The following USP25 variants were observed in gnomAD, a reference collection of about 807,000 sequenced individuals.
USP25 encodes the protein ubiquitin specific peptidase 25.
A neutral mutation model predicts 158.5 loss-of-function variants in USP25; 85 were observed. The observed-to-expected ratio is 0.54, with a 90% CI of 0.45 to 0.64. The LOEUF is 0.64. Ranked by LOEUF, USP25 falls within the 30% of genes least tolerant of loss-of-function variation. The pLI is 0.00. For missense variants in USP25, 1,242 were observed against 1,327.3 expected (o/e 0.94, Z 1.00); for synonymous variants, 464 against 460.4 (o/e 1.01, Z -0.10).
At position 15,747,496 on chromosome 21, in the gene USP25, A is replaced by G. The variant is rs575441954; in HGVS notation, c.46-15395A>G. 1.6e-3 allele frequency among the ~76,000 whole-genome samples: 236 copies of G among 152,036 alleles called. 1 individual carries two copies. Among genetic ancestry groups the G allele is most frequent in the Non-Finnish European group, 2.6e-3 (178 of 67,968 alleles). ...ATATAGTACATATAGTTTTTTTCCT[A>G]TATATAGTATCTACCTGTGATAAAG... On this transcript the variant is annotated intron_variant, in intron 1 of 25. Coordinates refer to ENST00000400183, the MANE Select transcript of USP25 (RefSeq NM_001283041.3).
At position 15,870,912 on chromosome 21, in the gene USP25, A is replaced by T. The variant is rs181262494; in HGVS notation, c.2885+765A>T. 4.8e-3 allele frequency among the ~76,000 whole-genome samples: 728 copies of T among 152,340 alleles called. 5 individuals are homozygous for T. Among genetic ancestry groups the T allele is most frequent in the Non-Finnish European group, 8.1e-3 (548 of 68,028 alleles). On this transcript the variant is annotated intron_variant, in intron 23 of 25. Coordinates refer to ENST00000400183, the MANE Select transcript of USP25 (RefSeq NM_001283041.3). ...TTTAATTCTGGAGCTATGCTGTCCA[A>T]CATAGCGGCCACCTGACAAAACTTA...
At chr21:15,856,627 A>G (rs552006208) in intron 20 of USP25, among the ~76,000 whole-genome samples, 39 of 152,074 alleles carry the variant, frequency 2.6e-4, no homozygotes, top group African/African-American at 7.2e-4. Context: ...GCCCGCTACC[A>G]CGCCCGGCTA....
chr21:15,800,334 G>A (rs908423582), intron 6 of USP25, among the ~76,000 whole-genome samples: 6 of 151,228 alleles, frequency 4.0e-5, no homozygotes, highest in African/African-American at 1.5e-4. Flanking sequence ...CAGATTGCGT[G>A]GGTTCTAGCT....
intron 4 of USP25, among the ~76,000 whole-genome samples, chr21:15,780,294 A>G (rs182480897): frequency 3.0e-4 from 45 of 152,314 alleles, no homozygotes; most frequent in Admixed American, 2.7e-3. Flanking sequence ...GTGTTTAGGC[A>G]TTTATACGTT....
At chr21:15,847,838 T>C (rs989476187) in intron 19 of USP25, 62 bp downstream of exon 19, 1 of 1,101,296 alleles carries the variant, frequency 9.1e-7, no homozygotes, top group East Asian at 2.6e-5. Flanking sequence ...ACAAATACTT[T>C]GGGCATGCCT....
At chr21:15,835,518 T>C (rs1293261035) in intron 17 of USP25, among the ~76,000 whole-genome samples, 2 of 152,218 alleles carry the variant, frequency 1.3e-5, no homozygotes, top group Non-Finnish European at 2.9e-5. Flanking sequence ...CCATACACTT[T>C]ACATGGTGTT....
In USP25 at chr21:15,849,833, T is replaced by C. The variant is rs1349730956; in HGVS notation, c.2508T>C (p.Ser836=). The change falls in exon 20 of 26, where the codon AGT becomes AGC. Residue 836 remains serine, a synonymous_variant. Transcript: ENST00000400183. The part of the protein sequence containing the change: ...GIIMAIGKSR[S]VYDRCGPEAG... Reference sequence around the variant, plus strand: ...TCATGGCGATAGGTAAATCCAGGAGTGTATATGACAGGTGTGGCCCTGAAG... The same window carrying C: ...TCATGGCGATAGGTAAATCCAGGAGCGTATATGACAGGTGTGGCCCTGAAG... 1.9e-6 allele frequency: 3 copies of C among 1,540,404 alleles called. No individual in the cohort carries two copies. Among genetic ancestry groups the C allele is most frequent in the Admixed American group, 2.0e-5 (1 of 49,710 alleles).
At position 15,824,082 on chromosome 21, in the gene USP25, C is replaced by A; in HGVS notation, c.1124C>A (p.Ser375Ter). Residue 375 changes from serine to a stop codon, truncating the protein, a stop_gained, in exon 11 of 26, where the codon TCA becomes TAA. Coordinates refer to ENST00000400183, the MANE Select transcript of USP25 (RefSeq NM_001283041.3). LOFTEE classifies it high-confidence loss of function. The stretch of plus-strand genomic sequence containing the variant: ...CCACCTGTGTTAACATTTGAATTGT[C>A]AAGATTTGAATTTAATCAGGCATTG... Reference protein sequence around the residue: ...ELPPVLTFELSRFEFNQALGR... With the variant: ...ELPPVLTFEL 1 of 1,613,480 alleles carries A rather than the reference C, an allele frequency of 6.2e-7. No homozygotes were observed. Among genetic ancestry groups the A allele is most frequent in the Non-Finnish European group, 8.5e-7 (1 of 1,179,754 alleles).
At chr21:15,785,875 A>G (rs2123565184) in intron 4 of USP25, among the ~76,000 whole-genome samples, 1 of 152,150 alleles carries the variant, frequency 6.6e-6, no homozygotes, top group East Asian at 1.9e-4. Flanking sequence ...TTTTTTGAGA[A>G]GATAAACAGA....
chr21:15,813,689 T>C (rs2036789229), intron 9 of USP25, among the ~76,000 whole-genome samples: 1 of 152,158 alleles, frequency 6.6e-6, no homozygotes, highest in Non-Finnish European at 1.5e-5. Flanking sequence ...AAAAACGTTA[T>C]CCCCTCCCAT....
intron 4 of USP25, among the ~76,000 whole-genome samples, chr21:15,790,516 AATG>A (rs2035533224): frequency 6.6e-6 from 1 of 151,982 alleles, no homozygotes; most frequent in Admixed American, 6.6e-5. Context: ...AATGGTGTGA[AATG>A]AATGAGATTT....
At chr21:15,870,767 A>G (rs966032765) in intron 23 of USP25, among the ~76,000 whole-genome samples, 3 of 152,158 alleles carry the variant, frequency 2.0e-5, no homozygotes, top group African/African-American at 7.2e-5. Context: ...AATGCAGTGT[A>G]TATTGCAGCC....
chr21:15,732,787 C>T (rs1433560084), intron 1 of USP25, among the ~76,000 whole-genome samples: 1 of 152,100 alleles, frequency 6.6e-6, no homozygotes, highest in Non-Finnish European at 1.5e-5. Flanking sequence ...ACAAAACTTT[C>T]ATGATTTTTT....
chr21:15,841,880 T>C (rs1444869211), intron 17 of USP25, among the ~76,000 whole-genome samples: 5 of 152,122 alleles, frequency 3.3e-5, no homozygotes, highest in Non-Finnish European at 5.9e-5. Context: ...ATAGGAGATA[T>C]CGTGAATTTT....
intron 5 of USP25, among the ~76,000 whole-genome samples, chr21:15,792,598 T>A (rs2035649289): frequency 6.6e-6 from 1 of 151,104 alleles, no homozygotes; most frequent in South Asian, 2.1e-4. Context: ...TATGACAGCT[T>A]AAACTTTCAT....
intron 4 of USP25, 73 bp from the exon 5 acceptor site, chr21:15,791,429 C>A: frequency 7.2e-7 from 1 of 1,384,878 alleles, no homozygotes; most frequent in Non-Finnish European, 9.5e-7. Flanking sequence ...AATGAAAATG[C>A]TTTTAGAATG....
At chr21:15,838,333 T>C (rs929094650) in intron 17 of USP25, among the ~76,000 whole-genome samples, 1 of 152,066 alleles carries the variant, frequency 6.6e-6, no homozygotes, top group Admixed American at 6.6e-5. Flanking sequence ...CTATGGAGAT[T>C]TCCAATAATG....
In USP25 at chr21:15,818,578, C is replaced by T. The variant is rs1159492197; in HGVS notation, c.932-120C>T. 4 of 826,432 alleles carry T rather than the reference C, an allele frequency of 4.8e-6. No homozygotes were observed. In the African/African-American group the frequency reaches 5.1e-5, roughly 11 times the overall value. The allele number at this position is 826,432 out of a possible 1,614,324, so 51.2% of individuals were successfully genotyped here. A position where few individuals can be genotyped will look rare whatever the true frequency, so the allele number is the denominator to read the frequency against. On this transcript the variant is annotated intron_variant, in intron 9 of 25. Coordinates refer to ENST00000400183, the MANE Select transcript of USP25 (RefSeq NM_001283041.3). ...AACAGGAAAATTAACACTAACACTT[C>T]TCAGGAATGAAATCAGTCAGTGTTA...
chr21:15,814,996 A>G (rs1045031876), intron 9 of USP25, among the ~76,000 whole-genome samples: 1 of 152,108 alleles, frequency 6.6e-6, no homozygotes, highest in African/African-American at 2.4e-5. Flanking sequence ...TAGGAGGAAA[A>G]AATAGTTTCG....
Sources: allele counts gnomAD v4.1 joint callset (sites outside exome capture counted in the v4.1 genomes callset), GRCh38; gene constraint gnomAD v4.1.1; transcripts MANE v1.5; gene names NCBI Gene and HGNC (gene_info 2026-07-23, HGNC 2026-07-21).